Variants in RBMS1 observed in about 807,000 individuals in gnomAD.
The protein encoded by RBMS1 is RNA-binding motif, single-stranded-interacting protein 1.
Under a neutral mutation model 62.3 loss-of-function variants are expected in RBMS1, and 17 were observed. That is an observed-to-expected ratio of 0.27 (90% CI 0.19 to 0.41). The LOEUF is 0.41. Ranked by LOEUF, RBMS1 falls within the 10% of genes least tolerant of loss-of-function variation. The pLI is 1.00. For synonymous variants in RBMS1, 172 were observed against 170.0 expected (o/e 1.01, Z -0.09); for missense variants, 334 against 504.5 (o/e 0.66, Z 3.24).
intron 1 of RBMS1, among the ~76,000 whole-genome samples, chr2:160,483,628 C>T (rs1685460365): frequency 6.6e-6 from 1 of 152,130 alleles, no homozygotes; most frequent in Non-Finnish European, 1.5e-5. Context: ...TCCCTGATTC[C>T]GGCAGATGGA....
chr2:160,370,252 G>T (rs1271296891), intron 1 of RBMS1, among the ~76,000 whole-genome samples: 1 of 152,220 alleles, frequency 6.6e-6, no homozygotes, highest in Non-Finnish European at 1.5e-5. Flanking sequence ...AAAGAAAACT[G>T]AAAGAGAGAA....
chr2:160,307,919 C>T (rs542073379), intron 4 of RBMS1, among the ~76,000 whole-genome samples: 1 of 152,238 alleles, frequency 6.6e-6, no homozygotes, highest in South Asian at 2.1e-4. Flanking sequence ...ACTTAGGTAC[C>T]CAGTATGTCA....
At chr2:160,307,260 T>C (rs1184741623) in intron 4 of RBMS1, among the ~76,000 whole-genome samples, 2 of 149,138 alleles carry the variant, frequency 1.3e-5, no homozygotes, top group Admixed American at 6.8e-5. Context: ...AACCAGCAGA[T>C]AGCCAGTCAC....
Position 160,274,159 on chromosome 2 carries a change from T to A in RBMS1, c.*613A>T, listed in dbSNP as rs1687706638. 1 of 152,372 alleles carries A rather than the reference T, an allele frequency of 6.6e-6. No individual in the cohort carries two copies. Among genetic ancestry groups the A allele is most frequent in the South Asian group, 2.1e-4 (1 of 4,826 alleles). 9.4% of individuals were successfully genotyped at this position (152,372 alleles called of 1,614,324 possible). A position where few individuals can be genotyped will look rare whatever the true frequency, so the allele number is the denominator to read the frequency against. On this transcript the variant is annotated 3_prime_UTR_variant, in exon 14 of 14. Transcript: ENST00000348849. ...TGAAACAGCTACAGCATCAAAAGAGTTAAGGCAAATTGGAATTCATAGAAA... is the reference window on the plus strand; with the variant it reads ...TGAAACAGCTACAGCATCAAAAGAGATAAGGCAAATTGGAATTCATAGAAA...
chr2:160,281,242 T>C (rs1688089327), intron 10 of RBMS1, 72 bp downstream of exon 10: 2 of 1,221,940 alleles, frequency 1.6e-6, no homozygotes, highest in Non-Finnish European at 2.3e-6. Flanking sequence ...CCTTGGCAAA[T>C]GGTTTTAACC....
intron 1 of RBMS1, among the ~76,000 whole-genome samples, chr2:160,407,226 C>G (rs1695776512): frequency 6.6e-6 from 1 of 152,036 alleles, no homozygotes; most frequent in South Asian, 2.1e-4. Flanking sequence ...CCCTCGCCGG[C>G]TCTCCGCTCC....
intron 2 of RBMS1, among the ~76,000 whole-genome samples, chr2:160,332,263 C>G (rs189969498): frequency 6.6e-6 from 1 of 152,226 alleles, no homozygotes; most frequent in East Asian, 1.9e-4. Flanking sequence ...ATTACATGTA[C>G]AGAATTACTG....
rs6758346 is a variant in RBMS1, at chr2:160,312,951, T to C, written c.402+205A>G. Among the ~76,000 whole-genome samples the C allele has an allele frequency of 6.2e-3, 946 of 152,284 alleles. 17 individuals are homozygous for C. The highest frequency in any genetic ancestry group is 0.02 in the African/African-American group (821 of 41,548). On this transcript the variant is annotated intron_variant, in intron 4 of 13. Coordinates refer to ENST00000348849, the MANE Select transcript of RBMS1 (RefSeq NM_016836.4). ...TATGTAAATTTTATATATTTATAAA[T>C]CCTCCTTCATAGATTAAGTTACAAG...
intron 2 of RBMS1, among the ~76,000 whole-genome samples, chr2:160,353,176 A>G (rs771667255): frequency 6.6e-6 from 1 of 152,138 alleles, no homozygotes; most frequent in Non-Finnish European, 1.5e-5. Context: ...AAGTTTATAA[A>G]TGTAAATTTG....
At chr2:160,408,563 G>T (rs1005491928) in intron 1 of RBMS1, 5 of 152,206 alleles carry the variant, frequency 3.3e-5, no homozygotes, top group Non-Finnish European at 4.4e-5. Flanking sequence ...AAGGCCACCG[G>T]TTTGGTAAAC....
intron 1 of RBMS1, among the ~76,000 whole-genome samples, chr2:160,430,082 T>C (rs1408661590): frequency 6.6e-6 from 1 of 152,194 alleles, no homozygotes. Context: ...GCCAGACAAC[T>C]GTGAGGCATG....
chr2:160,355,609 C>A (rs977117905), intron 2 of RBMS1, among the ~76,000 whole-genome samples: 12 of 152,044 alleles, frequency 7.9e-5, no homozygotes, highest in Non-Finnish European at 1.8e-4. Context: ...CAGTGAAGTA[C>A]AAGTCCTCTT....
intron 2 of RBMS1, among the ~76,000 whole-genome samples, chr2:160,323,497 G>A (rs1033098685): frequency 1.1e-4 from 17 of 150,956 alleles, no homozygotes; most frequent in African/African-American, 3.9e-4. Flanking sequence ...TCACTGTTAC[G>A]GAATAGGGAC....
chr2:160,375,852 G>A (rs1343503610), intron 1 of RBMS1, among the ~76,000 whole-genome samples: 2 of 150,994 alleles, frequency 1.3e-5, no homozygotes, highest in Non-Finnish European at 2.9e-5. Context: ...CTTGTGAAGG[G>A]GACAAGAGCA....
chr2:160,407,437 G>C (rs965658578), intron 1 of RBMS1: 81 of 986,022 alleles, frequency 8.2e-5, no homozygotes, highest in Non-Finnish European at 8.7e-5. Flanking sequence ...CGCCGACCTC[G>C]GCGCGGCATC....
At chr2:160,437,372 T>C (rs1198170116) in intron 1 of RBMS1, among the ~76,000 whole-genome samples, 1 of 152,204 alleles carries the variant, frequency 6.6e-6, no homozygotes, top group Non-Finnish European at 1.5e-5. Flanking sequence ...GCAAGAATAG[T>C]ATATAAACCA....
intron 1 of RBMS1, among the ~76,000 whole-genome samples, chr2:160,381,706 T>C (rs1694294081): frequency 1.3e-5 from 2 of 152,330 alleles, no homozygotes; most frequent in African/African-American, 4.8e-5. Context: ...ATGAGGCTTT[T>C]AGAGAAACTG....
intron 3 of RBMS1, among the ~76,000 whole-genome samples, chr2:160,317,660 C>T (rs1464713361): frequency 6.6e-6 from 1 of 152,146 alleles, no homozygotes; most frequent in Admixed American, 6.5e-5. Flanking sequence ...ATGGTTGTCT[C>T]CTCCCTGCTG....
At chr2:160,281,625 C>T (rs1011365810) in intron 9 of RBMS1, 6 of 335,338 alleles carry the variant, frequency 1.8e-5, no homozygotes, top group South Asian at 1.6e-4. Context: ...GAGAAAAAGG[C>T]GAAACAGACT....
Sources: allele counts gnomAD v4.1 joint callset (sites outside exome capture counted in the v4.1 genomes callset), GRCh38; gene constraint gnomAD v4.1.1; transcripts MANE v1.5; gene names NCBI Gene and HGNC (gene_info 2026-07-23, HGNC 2026-07-21).